The following CTBS variants were observed in gnomAD, a reference collection of about 807,000 sequenced individuals.
CTBS encodes the protein di-N-acetylchitobiase.
CTBS carries 35 observed loss-of-function variants against 44.3 expected under a neutral mutation model. The observed-to-expected ratio is 0.79, with a 90% confidence interval of 0.60 to 1.05. CTBS has a LOEUF of 1.05. Among genes scored for constraint, CTBS ranks in the 50% least tolerant of loss-of-function variants. The pLI, the probability that CTBS is intolerant of heterozygous loss-of-function variation, is 0.00. For missense variants in CTBS, 458 were observed against 475.3 expected, an observed-to-expected ratio of 0.96 and a Z score of 0.34; for synonymous variants, 143 against 168.0, an observed-to-expected ratio of 0.85 and a Z score of 1.15.
At chr1:84,558,523 C>T (rs1271534315) in intron 6 of CTBS, among the ~76,000 whole-genome samples, 1 of 150,994 alleles carries the variant, frequency 6.6e-6, no homozygotes, top group Non-Finnish European at 1.5e-5. Flanking sequence ...GATCTCCTGA[C>T]CTCGTGATCC....
At chr1:84,556,230 GA>G (rs1684425920) in intron 6 of CTBS, among the ~76,000 whole-genome samples, 1 of 152,138 alleles carries the variant, frequency 6.6e-6, no homozygotes, top group Admixed American at 6.5e-5. Context: ...AAGGAAAAGG[GA>G]AAGGAGCAGA....
Position 84,555,209 on chromosome 1 carries a change from T to A in CTBS, c.958-10A>T, listed in dbSNP as rs1219910074. 4 of 1,588,208 alleles carry A rather than the reference T, an allele frequency of 2.5e-6. No individual in the cohort carries two copies. In the African/African-American group the frequency reaches 5.4e-5, roughly 22 times the overall value. On this transcript the variant is annotated splice_polypyrimidine_tract_variant and intron_variant, in intron 6 of 6. Coordinates refer to ENST00000370630, the MANE Select transcript of CTBS (RefSeq NM_004388.3). ...AGTGGCCAGCAGGATCCTATATAAA[T>A]AAATTAAAATGGAGATTTTAAAGTA...
chr1:84,571,341 G>A (rs1027094110), intron 1 of CTBS, among the ~76,000 whole-genome samples: 2 of 152,188 alleles, frequency 1.3e-5, no homozygotes, highest in African/African-American at 4.8e-5. Context: ...AAAATTGACA[G>A]GACTTTGTGA....
Position 84,552,895 on chromosome 1 carries a change from C to A in CTBS, c.*2104G>T. On this transcript the variant is annotated 3_prime_UTR_variant, in exon 7 of 7. Transcript: ENST00000370630. ...TAATCTACACATTTACTGTAGTAAT[C>A]CAGTGGGAGTTGAAAGCACTGAAGC... 1.7e-6 allele frequency: 1 copy of A among 602,820 alleles called. No homozygotes were observed. Among genetic ancestry groups the A allele is most frequent in the Non-Finnish European group, 2.9e-6 (1 of 340,338 alleles). The allele number at this position is 602,820 out of a possible 1,614,324, so 37.3% of individuals were successfully genotyped here.
intron 6 of CTBS, among the ~76,000 whole-genome samples, chr1:84,560,727 C>G (rs1684579944): frequency 6.6e-6 from 1 of 152,140 alleles, no homozygotes; most frequent in African/African-American, 2.4e-5. Flanking sequence ...TAAGTTGAAG[C>G]CAGTGTTCAT....
intron 6 of CTBS, among the ~76,000 whole-genome samples, chr1:84,557,550 A>AAG (rs1558623541): frequency 1.1e-4 from 15 of 134,900 alleles, no homozygotes; most frequent in African/African-American, 4.9e-4. Flanking sequence ...AAAAAAAAAA[A>AAG]AAAGAAAAAA....
intron 3 of CTBS, among the ~76,000 whole-genome samples, chr1:84,566,715 C>T (rs1269162783): frequency 6.6e-6 from 1 of 152,216 alleles, no homozygotes; most frequent in African/African-American, 2.4e-5. Flanking sequence ...TCACTGCAAC[C>T]TCTGCCTCCT....
In CTBS at chr1:84,574,330, G is replaced by T; in HGVS notation, c.86C>A (p.Ala29Glu). 1 of 1,566,752 alleles carries T rather than the reference G, an allele frequency of 6.4e-7. No homozygotes were observed. Among genetic ancestry groups the T allele is most frequent in the South Asian group, 1.2e-5 (1 of 85,800 alleles). The change falls in exon 1 of 7, where the codon GCG (alanine) becomes GAG (glutamate). Residue 29 changes from alanine to glutamate, a missense_variant. By Grantham distance (107) the Ala-to-Glu change is moderately radical. Coordinates refer to ENST00000370630, the MANE Select transcript of CTBS (RefSeq NM_004388.3). Reference sequence around the variant, plus strand: ...GGCCGCGAGCCGCAGCGCCAGCAGCGCCAGCAGCGCCAGCAGCGCTAGACC... The same window carrying T: ...GGCCGCGAGCCGCAGCGCCAGCAGCTCCAGCAGCGCCAGCAGCGCTAGACC... ...VPGLALLALL[A>E]LLALRLAAGT...
In CTBS at chr1:84,554,991, A is replaced by G. The variant is rs754652720; in HGVS notation, c.*8T>C. 7.4e-6 allele frequency: 12 copies of G among 1,611,816 alleles called. No homozygotes were observed. Among genetic ancestry groups the G allele is most frequent in the Non-Finnish European group, 1.0e-5 (12 of 1,178,486 alleles). ...CTTTCTAACTCTTAATGGTTTGACAAAAGATGTTCATCTCTGTAACAGCTT... is the reference window on the plus strand; with the variant it reads ...CTTTCTAACTCTTAATGGTTTGACAGAAGATGTTCATCTCTGTAACAGCTT... On this transcript the variant is annotated 3_prime_UTR_variant, in exon 7 of 7. Coordinates refer to ENST00000370630, the MANE Select transcript of CTBS (RefSeq NM_004388.3).
chr1:84,563,337 T>C lies in CTBS; in HGVS notation c.877A>G (p.Thr293Ala). 6.3e-7 allele frequency: 1 copy of C among 1,599,722 alleles called. No homozygotes were observed. Among genetic ancestry groups the C allele is most frequent in the Non-Finnish European group, 8.5e-7 (1 of 1,173,556 alleles). The part of the protein sequence containing the change: ...DAAGRQVPYK[T>A]IMKQINSSIS... ...GAACTATTTATTTGCTTCATGATCG[T>C]TTTGTAGGGCACCTGACGTCCTGCA... Residue 293 changes from threonine to alanine, a missense_variant, in exon 6 of 7, where the codon ACG becomes GCG. By Grantham distance (58) the Thr-to-Ala change is moderately conservative. Coordinates refer to ENST00000370630, the MANE Select transcript of CTBS (RefSeq NM_004388.3).
intron 2 of CTBS, 58 bp downstream of exon 2, chr1:84,570,524 G>A: frequency 6.7e-7 from 1 of 1,486,704 alleles, no homozygotes. Context: ...CGGGACTATA[G>A]CAAGTGATAC....
At chr1:84,558,600 T>A (rs1341004442) in intron 6 of CTBS, among the ~76,000 whole-genome samples, 5 of 145,480 alleles carry the variant, frequency 3.4e-5, no homozygotes, top group African/African-American at 1.1e-4. Context: ...CACTTTTTTT[T>A]AATTAAAAAA....
intron 3 of CTBS, among the ~76,000 whole-genome samples, chr1:84,566,464 G>A (rs534739000): frequency 7.5e-4 from 114 of 152,312 alleles, no homozygotes; most frequent in Non-Finnish European, 1.3e-3. Context: ...TGGGTTGGGA[G>A]TTTCAGCCTG....
At chr1:84,566,854 C>G (rs995885708) in intron 3 of CTBS, among the ~76,000 whole-genome samples, 3 of 152,130 alleles carry the variant, frequency 2.0e-5, no homozygotes, top group African/African-American at 7.2e-5. Flanking sequence ...AGGCTGGTCT[C>G]AAACTCCTGA....
chr1:84,562,383 T>C (rs1269313851), intron 6 of CTBS, among the ~76,000 whole-genome samples: 1 of 152,218 alleles, frequency 6.6e-6, no homozygotes, highest in East Asian at 1.9e-4. Flanking sequence ...TAGAAAGCTC[T>C]ACACTAAAGC....
At chr1:84,555,907 T>C (rs1684416254) in intron 6 of CTBS, 1 of 152,280 alleles carries the variant, frequency 6.6e-6, no homozygotes, top group Admixed American at 6.5e-5. Context: ...GTATTCTCTG[T>C]AGTTGCTAGA....
chr1:84,558,995 T>C (rs1231912803), intron 6 of CTBS, among the ~76,000 whole-genome samples: 2 of 152,210 alleles, frequency 1.3e-5, no homozygotes, highest in Non-Finnish European at 2.9e-5. Context: ...AAACAGTATA[T>C]GGTAGTATAT....
In CTBS at chr1:84,574,353, A is replaced by G; in HGVS notation, c.63T>C (p.Gly21=). Residue 21 remains glycine, a synonymous_variant, in exon 1 of 7, where the codon GGT becomes GGC. Coordinates refer to ENST00000370630, the MANE Select transcript of CTBS (RefSeq NM_004388.3). ...GCGCCAGCAGCGCCAGCAGCGCTAG[A>G]CCCGGGACGCCGCTCGGCGGGCTAG... The part of the protein sequence containing the change: ...LVSSPPSGVP[G]LALLALLALL... 6.4e-7 allele frequency: 1 copy of G among 1,564,240 alleles called. No homozygotes were observed. The highest frequency in any genetic ancestry group is 1.4e-5 in the African/African-American group (1 of 71,522).
At chr1:84,569,776 G>A (rs1294298040) in intron 3 of CTBS, among the ~76,000 whole-genome samples, 155 bp downstream of exon 3, 3 of 152,084 alleles carry the variant, frequency 2.0e-5, no homozygotes, top group Admixed American at 6.5e-5. Context: ...CCTTAAATAA[G>A]AACACCAAAG....
Sources: allele counts gnomAD v4.1 joint callset (sites outside exome capture counted in the v4.1 genomes callset), GRCh38; gene constraint gnomAD v4.1.1; transcripts MANE v1.5; gene names NCBI Gene and HGNC (gene_info 2026-07-23, HGNC 2026-07-21).